Variants in LRP1B observed in about 807,000 individuals in gnomAD.
LRP1B encodes low-density lipoprotein receptor-related protein 1B.
In LRP1B, 217 loss-of-function variants were observed where a neutral mutation model predicts 556.6. The observed-to-expected ratio is 0.39, with a 90% CI of 0.35 to 0.44. The LOEUF (loss-of-function observed/expected upper bound fraction) is 0.44, where lower values mean the gene tolerates loss of function less well. Among genes scored for constraint, LRP1B ranks in the 20% least tolerant of loss-of-function variants. The pLI is 1.00. For synonymous variants in LRP1B, 2,047 were observed against 1,865.8 expected (o/e 1.10, Z -2.50); for missense variants, 5,053 against 5,620.8 (o/e 0.90, Z 3.23).
chr2:141,101,240 T>A lies in LRP1B; in HGVS notation c.1014-38967A>T, dbSNP rs1040167049. Among the ~76,000 whole-genome samples, 12 of 152,222 alleles carry A rather than the reference T, an allele frequency of 7.9e-5. No homozygotes were observed. In the South Asian group the frequency reaches 2.3e-3, roughly 29 times the overall value. ...CAGGACCAGGGAAGACTCCATGCCA[T>A]CAAGGGATGACTAGCTCTGTAAGAA... On this transcript the variant is annotated intron_variant, in intron 7 of 90. Transcript: ENST00000389484.
At chr2:140,480,713 T>G (rs1314773425) in intron 59 of LRP1B, among the ~76,000 whole-genome samples, 2 of 152,126 alleles carry the variant, frequency 1.3e-5, no homozygotes, top group African/African-American at 4.8e-5. Flanking sequence ...AGTCCTGGGA[T>G]TACAGGCTTG....
intron 77 of LRP1B, among the ~76,000 whole-genome samples, chr2:140,342,213 TACTC>T (rs1264895525): frequency 2.0e-5 from 3 of 151,158 alleles, no homozygotes; most frequent in South Asian, 2.1e-4. Flanking sequence ...GAAAGATACA[TACTC>T]ACATTTCCTG....
At chr2:142,005,069 C>T (rs1458674001) in intron 1 of LRP1B, among the ~76,000 whole-genome samples, 4 of 147,606 alleles carry the variant, frequency 2.7e-5, no homozygotes, top group Non-Finnish European at 6.0e-5. Context: ...TATATATACT[C>T]TATATATTTA....
At chr2:140,659,096 CT>C (rs1281860456) in intron 41 of LRP1B, among the ~76,000 whole-genome samples, 1 of 30,306 alleles carries the variant, frequency 3.3e-5, no homozygotes, top group East Asian at 1.0e-3. Flanking sequence ...AACTGTAAAT[CT>C]GTTTTTTTTT....
intron 27 of LRP1B, among the ~76,000 whole-genome samples, chr2:140,862,946 G>A (rs1056791171): frequency 2.0e-5 from 3 of 152,106 alleles, no homozygotes; most frequent in Non-Finnish European, 2.9e-5. Context: ...GGCACTCCTG[G>A]TTCCTGGGCC....
intron 2 of LRP1B, among the ~76,000 whole-genome samples, chr2:141,481,825 G>A (rs1188223045): frequency 6.6e-6 from 1 of 152,148 alleles, no homozygotes; most frequent in Non-Finnish European, 1.5e-5. Flanking sequence ...TTGTGGTGAG[G>A]ATTCTATCAA....
At chr2:140,411,590 G>A (rs1264225484) in intron 66 of LRP1B, among the ~76,000 whole-genome samples, 1 of 151,910 alleles carries the variant, frequency 6.6e-6, no homozygotes, top group East Asian at 1.9e-4. Context: ...AAGTCACACT[G>A]CTAGTTAGTT....
At chr2:141,710,275 TA>T (rs1558820135) in intron 2 of LRP1B, among the ~76,000 whole-genome samples, 1 of 152,160 alleles carries the variant, frequency 6.6e-6, no homozygotes, top group East Asian at 1.9e-4. Context: ...TGTCAGGTTT[TA>T]AAAAAATTTT....
In LRP1B at chr2:140,572,998, G is replaced by A. The variant is rs1182713906; in HGVS notation, c.7194+25633C>T. 2.0e-5 allele frequency among the ~76,000 whole-genome samples: 3 copies of A among 151,754 alleles called. No homozygotes were observed. In the East Asian group the frequency reaches 5.8e-4, roughly 29 times the overall value. On this transcript the variant is annotated intron_variant, in intron 43 of 90. Coordinates refer to ENST00000389484, the MANE Select transcript of LRP1B (RefSeq NM_018557.3). ...ATGGAATAGTGGTTACTAGAGGGTG[G>A]CAGAAGTAGAAAAAGGAGATGTCGG...
intron 3 of LRP1B, among the ~76,000 whole-genome samples, chr2:141,430,382 G>A (rs1340949114): frequency 1.3e-5 from 2 of 151,978 alleles, no homozygotes; most frequent in African/African-American, 4.8e-5. Flanking sequence ...TTAAAATAAA[G>A]CAACAATAAA....
At chr2:141,630,101 A>C (rs961926690) in intron 2 of LRP1B, among the ~76,000 whole-genome samples, 2 of 152,202 alleles carry the variant, frequency 1.3e-5, no homozygotes, top group Non-Finnish European at 2.9e-5. Flanking sequence ...GAAGTAGCTT[A>C]ATGTTCCCTG....
intron 3 of LRP1B, among the ~76,000 whole-genome samples, chr2:141,451,897 G>C (rs1036098824): frequency 6.6e-5 from 10 of 152,032 alleles, no homozygotes; most frequent in African/African-American, 2.4e-4. Flanking sequence ...GGAACACAAA[G>C]AAAAACAATA....
intron 41 of LRP1B, among the ~76,000 whole-genome samples, chr2:140,665,401 T>G (rs1195271917): frequency 6.6e-6 from 1 of 152,230 alleles, no homozygotes; most frequent in East Asian, 1.9e-4. Context: ...AGTATTTTTC[T>G]ACAACATAGA....
At position 140,234,807 on chromosome 2, in the gene LRP1B, C is replaced by A; in HGVS notation, c.13638G>T (p.Leu4546Phe). 1 of 775,314 alleles carries A rather than the reference C, an allele frequency of 1.3e-6. No individual in the cohort carries two copies. Among genetic ancestry groups the A allele is most frequent in the Non-Finnish European group, 2.4e-6 (1 of 414,630 alleles). 48.0% of individuals were successfully genotyped at this position (775,314 alleles called of 1,614,324 possible). A position where few individuals can be genotyped will look rare whatever the true frequency, so the allele number is the denominator to read the frequency against. The change falls in exon 90 of 91, where the codon TTG (leucine) becomes TTT (phenylalanine). Residue 4546 changes from leucine (L) to phenylalanine (F), a missense_variant. Physicochemically the swap from Leu to Phe is conservative, Grantham distance 22 (BLOSUM62 0). This residue lies in a region of LRP1B where 551 missense variants were observed against 592.0 expected (regional missense o/e 0.93). Transcript: ENST00000389484. ...TCACCCCAGCAGTTAGTGGTCCTTT[C>A]AAATCAGAGTTTAGGTAGATGGGCG... ...TAPPIYLNSD[L>F]KGPLTAGPTN...
intron 1 of LRP1B, among the ~76,000 whole-genome samples, chr2:142,047,616 T>C (rs1452293604): frequency 6.6e-6 from 1 of 152,012 alleles, no homozygotes; most frequent in East Asian, 1.9e-4. Context: ...CTATTTCCTA[T>C]GTCTTTCTGG....
rs552266258 is a variant in LRP1B, at chr2:141,958,180, T to C, written c.83-147779A>G. Among the ~76,000 whole-genome samples the C allele has an allele frequency of 9.9e-5, 15 of 152,174 alleles. No homozygotes were observed. The South Asian group carries it at 3.1e-3, about 32-fold the overall frequency. ...AGAATTTCTTCTTTTAGCGTCACCC[T>C]GGTAAACAAAACTACTTGCACACAG... On this transcript the variant is annotated intron_variant, in intron 1 of 90. Coordinates refer to ENST00000389484, the MANE Select transcript of LRP1B (RefSeq NM_018557.3).
Position 140,495,572 on chromosome 2 carries a change from C to T in LRP1B, c.9027G>A (p.Ser3009=), listed in dbSNP as rs746525979. The change falls in exon 56 of 91, where the codon TCG becomes TCA. Residue 3009 remains serine, a synonymous_variant. Coordinates refer to ENST00000389484, the MANE Select transcript of LRP1B (RefSeq NM_018557.3). ...GCAAGTTCAATTCGATACCTGAGAG[C>T]GATTTGCAGCCATTTGGGTTATCAG... The part of the protein sequence containing the change: ...IQPDNPNGCK[S]LSDEEPFLIL... 35 of 1,579,216 alleles carry T rather than the reference C, an allele frequency of 2.2e-5. No individual in the cohort carries two copies. The East Asian group carries it at 4.1e-4, about 18-fold the overall frequency.
intron 82 of LRP1B, among the ~76,000 whole-genome samples, chr2:140,315,773 T>G (rs147132132): frequency 4.6e-5 from 7 of 152,254 alleles, no homozygotes; most frequent in African/African-American, 1.4e-4. Context: ...CACACACTAT[T>G]TGTTCTATAG....
chr2:142,019,724 C>A (rs139736798), intron 1 of LRP1B, among the ~76,000 whole-genome samples: 41 of 152,300 alleles, frequency 2.7e-4, no homozygotes, highest in African/African-American at 9.6e-4. Context: ...CGCTTTCCAA[C>A]ATCTGACCCA....
Sources: gnomAD v4.1 joint callset for allele counts (sites outside exome capture counted in the v4.1 genomes callset) on GRCh38, gnomAD v4.1.1 for gene constraint, gnomAD v4.1.1 regional missense constraint, MANE v1.5 for transcripts, NCBI Gene and HGNC (gene_info 2026-07-23, HGNC 2026-07-21) for gene names.